The following RANBP10 variants were observed in gnomAD, a reference collection of about 807,000 sequenced individuals.
RANBP10 encodes ran-binding protein 10.
A neutral mutation model predicts 72.8 loss-of-function variants in RANBP10; 24 were observed. The ratio of observed to expected loss-of-function variants is 0.33; its 90% CI spans 0.24 to 0.46. The LOEUF (loss-of-function observed/expected upper bound fraction) is 0.46, where lower values mean the gene tolerates loss of function less well. Ranked by LOEUF, RANBP10 falls within the 20% of genes least tolerant of loss-of-function variation. The pLI is 1.00. For synonymous variants in RANBP10, 310 were observed against 322.3 expected, an observed-to-expected ratio of 0.96 and a Z score of 0.41; for missense variants, 679 against 817.5, an observed-to-expected ratio of 0.83 and a Z score of 2.07.
chr16:67,747,124 G>A (rs1313316014), intron 3 of RANBP10, among the ~76,000 whole-genome samples: 1 of 152,122 alleles, frequency 6.6e-6, no homozygotes, highest in Non-Finnish European at 1.5e-5. Context: ...TTCCAAAGTG[G>A]CTGTGCTATT....
rs141979406 is a variant in RANBP10 at position 67,756,650 on chromosome 16, C to T, written c.401-12195G>A. 5.2e-3 allele frequency among the ~76,000 whole-genome samples: 792 copies of T among 152,000 alleles called. 10 individuals are homozygous for T. Among genetic ancestry groups the T allele is most frequent in the African/African-American group, 0.018 (762 of 41,464 alleles). On this transcript the variant is annotated intron_variant, in intron 3 of 13. Transcript: ENST00000317506. The stretch of plus-strand genomic sequence containing the variant: ...GCCGGGAGGCAGAGGTTGCAGTAAG[C>T]CAAAATTGCACCACTGCACCCCAGG...
At chr16:67,780,015 C>T (rs759996859) in intron 2 of RANBP10, among the ~76,000 whole-genome samples, 1 of 151,982 alleles carries the variant, frequency 6.6e-6, no homozygotes, top group African/African-American at 2.4e-5. Flanking sequence ...AGGTGGATCA[C>T]GAGGTCAAGA....
chr16:67,794,160 C>T (rs1176986037), intron 2 of RANBP10, among the ~76,000 whole-genome samples: 2 of 152,038 alleles, frequency 1.3e-5, no homozygotes, highest in East Asian at 1.9e-4. Context: ...TGGGACTGGT[C>T]GGGGTGGTGG....
At position 67,761,818 on chromosome 16, in the gene RANBP10, G is replaced by A. The variant is rs571821050; in HGVS notation, c.400+10216C>T. Among the ~76,000 whole-genome samples the A allele has an allele frequency of 5.6e-4, 86 of 152,262 alleles. 1 individual carries two copies. Among genetic ancestry groups the A allele is most frequent in the South Asian group, 1.7e-3 (8 of 4,832 alleles). ...ACTCCTGACCTCAAGTGATCTGCCCGCCTCGGCCTCTCAAAGTGCTGGAGT... is the reference window on the plus strand; with the variant it reads ...ACTCCTGACCTCAAGTGATCTGCCCACCTCGGCCTCTCAAAGTGCTGGAGT... On this transcript the variant is annotated intron_variant, in intron 3 of 13. Coordinates refer to ENST00000317506, the MANE Select transcript of RANBP10 (RefSeq NM_020850.3).
intron 1 of RANBP10, 79 bp downstream of exon 1, chr16:67,806,223 T>G: frequency 7.5e-7 from 1 of 1,333,818 alleles, no homozygotes; most frequent in Non-Finnish European, 1.0e-6. Context: ...GAAAGGGAGG[T>G]GATAGGGCGG....
At chr16:67,791,853 G>C (rs1163190756) in intron 2 of RANBP10, among the ~76,000 whole-genome samples, 2 of 151,986 alleles carry the variant, frequency 1.3e-5, no homozygotes, top group Admixed American at 1.3e-4. Context: ...TCAGTGCTAG[G>C]AATTTTATTT....
chr16:67,763,585 T>A (rs1267219952), intron 3 of RANBP10: 2 of 152,250 alleles, frequency 1.3e-5, no homozygotes, highest in Non-Finnish European at 2.9e-5. Context: ...TTTCTCAGGG[T>A]CTGGCAAAGC....
chr16:67,757,474 T>G (rs567000382), intron 3 of RANBP10, among the ~76,000 whole-genome samples: 1 of 152,270 alleles, frequency 6.6e-6, no homozygotes, highest in Non-Finnish European at 1.5e-5. Flanking sequence ...GGATGAGTGC[T>G]GCGCTGGCTT....
At chr16:67,782,828 T>G (rs2054839075) in intron 2 of RANBP10, among the ~76,000 whole-genome samples, 1 of 152,204 alleles carries the variant, frequency 6.6e-6, no homozygotes, top group African/African-American at 2.4e-5. Context: ...TTAAGAGCCA[T>G]CTCTTAAAAG....
At position 67,726,275 on chromosome 16, in the gene RANBP10, G is replaced by A. The variant is rs554311447; in HGVS notation, c.*153C>T. 3.6e-5 allele frequency: 42 copies of A among 1,157,162 alleles called. No individual in the cohort carries two copies. In the Admixed American group the frequency reaches 5.8e-4, roughly 16 times the overall value. The allele number at this position is 1,157,162 out of a possible 1,614,324, so 71.7% of individuals were successfully genotyped here. On this transcript the variant is annotated 3_prime_UTR_variant, in exon 14 of 14. Coordinates refer to ENST00000317506, the MANE Select transcript of RANBP10 (RefSeq NM_020850.3). Reference sequence around the variant, plus strand: ...GCGGGGTGGTGGGCAGAGAAAGGAAGGAAGGAAGGAAAGGGAGAGGGGGAA... The same window carrying A: ...GCGGGGTGGTGGGCAGAGAAAGGAAAGAAGGAAGGAAAGGGAGAGGGGGAA...
chr16:67,785,683 A>C (rs1359155695), intron 2 of RANBP10, among the ~76,000 whole-genome samples: 1 of 148,512 alleles, frequency 6.7e-6, no homozygotes. Context: ...AGCTGAGATC[A>C]CACCACTGCA....
At chr16:67,763,727 C>T (rs1023342632) in intron 3 of RANBP10, among the ~76,000 whole-genome samples, 2 of 152,208 alleles carry the variant, frequency 1.3e-5, no homozygotes, top group Non-Finnish European at 2.9e-5. Context: ...CAGAGTCTCA[C>T]TCTGTTGCCC....
At chr16:67,797,457 G>T (rs954853976) in intron 2 of RANBP10, among the ~76,000 whole-genome samples, 1 of 152,046 alleles carries the variant, frequency 6.6e-6, no homozygotes, top group Non-Finnish European at 1.5e-5. Context: ...TTGATTGAGC[G>T]TAGGAGTTCC....
intron 2 of RANBP10, among the ~76,000 whole-genome samples, chr16:67,803,607 G>A (rs1233184303): frequency 5.0e-5 from 7 of 141,242 alleles, no homozygotes; most frequent in South Asian, 2.3e-4. Context: ...CTGAGATTGC[G>A]CCATTGCACT....
intron 2 of RANBP10, among the ~76,000 whole-genome samples, chr16:67,805,211 C>T (rs2055334672): frequency 1.3e-5 from 2 of 152,338 alleles, no homozygotes; most frequent in South Asian, 4.1e-4. Context: ...ATTACATCAT[C>T]ACTAAAAATA....
At chr16:67,801,675 G>T (rs1349539483) in intron 2 of RANBP10, among the ~76,000 whole-genome samples, 1 of 152,134 alleles carries the variant, frequency 6.6e-6, no homozygotes, top group African/African-American at 2.4e-5. Flanking sequence ...ATGGGAGGCT[G>T]ACAATGGTGG....
At chr16:67,794,062 C>T (rs905325312) in intron 2 of RANBP10, among the ~76,000 whole-genome samples, 2 of 151,866 alleles carry the variant, frequency 1.3e-5, no homozygotes, top group Non-Finnish European at 1.5e-5. Flanking sequence ...AAAAATGTTT[C>T]GTAGAGGTGG....
chr16:67,793,012 C>CA (rs1018058630), intron 2 of RANBP10, among the ~76,000 whole-genome samples: 4 of 152,070 alleles, frequency 2.6e-5, no homozygotes, highest in African/African-American at 9.7e-5. Context: ...AATGTACTAA[C>CA]AGAGTCTCAA....
intron 2 of RANBP10, among the ~76,000 whole-genome samples, chr16:67,796,005 C>T (rs1037769722): frequency 4.0e-5 from 6 of 150,764 alleles, no homozygotes; most frequent in Non-Finnish European, 8.9e-5. Context: ...CAACCTCCAC[C>T]TCCCGCGTTC....
Sources: gnomAD v4.1 joint callset for allele counts (sites outside exome capture counted in the v4.1 genomes callset) on GRCh38, gnomAD v4.1.1 for gene constraint, MANE v1.5 for transcripts, NCBI Gene and HGNC (gene_info 2026-07-23, HGNC 2026-07-21) for gene names.